UTP15: variants seen among roughly 807,000 people sequenced by gnomAD.
The protein encoded by UTP15 is UTP15 small subunit processome component, also known as U3 small nucleolar RNA-associated protein 15 homolog.
In UTP15, 5 loss-of-function variants were observed where a neutral mutation model predicts 59.1. That is an observed-to-expected ratio of 0.08 (90% confidence interval 0.04 to 0.18). The LOEUF (loss-of-function observed/expected upper bound fraction) is 0.18. UTP15 is among the 10% of genes least tolerant of loss of function. The pLI is 1.00. For missense variants in UTP15, 494 were observed against 616.7 expected, an observed-to-expected ratio of 0.80 and a Z score of 2.11; for synonymous variants, 211 against 212.2, an observed-to-expected ratio of 0.99 and a Z score of 0.05.
chr5:73,578,727 C>G, intron 9 of UTP15, 24 bp from the exon 10 acceptor site: 1 of 1,600,118 alleles, frequency 6.2e-7, no homozygotes, highest in Non-Finnish European at 8.6e-7. Context: ...TTTTCCTTCT[C>G]TATAAATGTA....
intron 1 of UTP15, among the ~76,000 whole-genome samples, chr5:73,566,393 C>T (rs957180219): frequency 6.6e-6 from 1 of 152,190 alleles, no homozygotes; most frequent in Admixed American, 6.5e-5. Flanking sequence ...CCATTATAGC[C>T]CCAGTGCCTA....
rs1441945352 is a variant in UTP15, at chr5:73,581,564, T to G, written c.*1470T>G. 1 of 152,134 alleles carries G rather than the reference T, an allele frequency of 6.6e-6. No individual in the cohort carries two copies. The highest frequency in any genetic ancestry group is 1.5e-5 in the Non-Finnish European group (1 of 68,024). 9.4% of individuals were successfully genotyped at this position (152,134 alleles called of 1,614,324 possible). A position where few individuals can be genotyped will look rare whatever the true frequency, so the allele number is the denominator to read the frequency against. On this transcript the variant is annotated 3_prime_UTR_variant, in exon 13 of 13. Coordinates refer to ENST00000296792, the MANE Select transcript of UTP15 (RefSeq NM_032175.4). ...TAGAAGAACCCATAGAGGAAGATTT[T>G]GTAATGCGAATCTCCTCTCATAATT...
At chr5:73,575,424 A>G in intron 7 of UTP15, among the ~76,000 whole-genome samples, 1 of 152,248 alleles carries the variant, frequency 6.6e-6, no homozygotes, top group East Asian at 1.9e-4. Flanking sequence ...GATAGAGGCC[A>G]GGAAGGCTGC....
intron 7 of UTP15, among the ~76,000 whole-genome samples, chr5:73,572,876 C>T (rs1377269467): frequency 6.6e-6 from 1 of 152,148 alleles, no homozygotes; most frequent in East Asian, 1.9e-4. Context: ...CGGCTCGCTG[C>T]AACCTCCGCC....
At position 73,565,838 on chromosome 5, in the gene UTP15, G is replaced by A. The variant is rs1025763203; in HGVS notation, c.-158G>A. 4.2e-5 allele frequency: 19 copies of A among 456,222 alleles called. No homozygotes were observed. The highest frequency in any genetic ancestry group is 6.6e-5 in the Non-Finnish European group (15 of 226,976). The allele number at this position is 456,222 out of a possible 1,614,324, so 28.3% of individuals were successfully genotyped here. A position where few individuals can be genotyped will look rare whatever the true frequency, so the allele number is the denominator to read the frequency against. On this transcript the variant is annotated 5_prime_UTR_variant, in exon 1 of 13. Coordinates refer to ENST00000296792, the MANE Select transcript of UTP15 (RefSeq NM_032175.4). ...CGCCAGTGCTGCTGAACTGTGCAGGGTAGGGAGCTGGCACAGTCCGATTAA... is the reference window on the plus strand; with the variant it reads ...CGCCAGTGCTGCTGAACTGTGCAGGATAGGGAGCTGGCACAGTCCGATTAA...
Position 73,582,857 on chromosome 5 carries a change from C to G in UTP15, c.*2763C>G, listed in dbSNP as rs1748364802. ...AGTTGAAAGGTATTTTAAAATGTTA[C>G]TAAGTCTGCAAAAGTACTGAAATGT... On this transcript the variant is annotated 3_prime_UTR_variant, in exon 13 of 13. Coordinates refer to ENST00000296792, the MANE Select transcript of UTP15 (RefSeq NM_032175.4). The G allele has an allele frequency of 6.6e-6, 1 of 152,124 alleles. No homozygotes were observed. The highest frequency in any genetic ancestry group is 2.4e-5 in the African/African-American group (1 of 41,404). The allele number at this position is 152,124 out of a possible 1,614,324, so 9.4% of individuals were successfully genotyped here.
intron 9 of UTP15, chr5:73,578,345 A>C: frequency 3.4e-6 from 1 of 294,586 alleles, no homozygotes; most frequent in Non-Finnish European, 6.3e-6. Flanking sequence ...GCGACAAATA[A>C]TTTGTGATTG....
chr5:73,572,963 A>G (rs965064355), intron 7 of UTP15, among the ~76,000 whole-genome samples: 2 of 151,926 alleles, frequency 1.3e-5, no homozygotes, highest in Non-Finnish European at 2.9e-5. Context: ...ATGCCCGGCT[A>G]AGTTTTTTAT....
intron 7 of UTP15, among the ~76,000 whole-genome samples, chr5:73,575,391 C>G (rs1748059863): frequency 6.6e-6 from 1 of 152,148 alleles, no homozygotes; most frequent in Non-Finnish European, 1.5e-5. Context: ...TTTATCACAA[C>G]TCATGGTACT....
At chr5:73,576,428 C>T (rs1424334442) in intron 7 of UTP15, among the ~76,000 whole-genome samples, 1 of 150,334 alleles carries the variant, frequency 6.7e-6, no homozygotes, top group African/African-American at 2.4e-5. Context: ...TTATAAGTGG[C>T]TAGTCAAAGT....
chr5:73,572,182 T>G (rs1291881541), intron 6 of UTP15, among the ~76,000 whole-genome samples: 1 of 152,240 alleles, frequency 6.6e-6, no homozygotes, highest in African/African-American at 2.4e-5. Flanking sequence ...ATATAGAATT[T>G]CTTTTAAAAA....
intron 7 of UTP15, among the ~76,000 whole-genome samples, chr5:73,575,849 G>A (rs1021420373): frequency 8.6e-5 from 13 of 151,302 alleles, no homozygotes; most frequent in African/African-American, 3.2e-4. Context: ...CAGCTCCCAA[G>A]TAGCCGAGAT....
intron 7 of UTP15, among the ~76,000 whole-genome samples, chr5:73,575,729 T>C (rs1385321587): frequency 6.6e-6 from 1 of 150,694 alleles, no homozygotes; most frequent in Non-Finnish European, 1.5e-5. Flanking sequence ...ATTTTTTCTT[T>C]TTTTTTTTTT....
intron 8 of UTP15, 92 bp downstream of exon 8, chr5:73,577,128 G>A (rs946835399): frequency 8.2e-6 from 8 of 975,022 alleles, no homozygotes; most frequent in Non-Finnish European, 1.2e-5. Flanking sequence ...TTAGATTTGA[G>A]TAACTTTTCT....
rs1450951556 is a variant in UTP15, at chr5:73,568,466, C to G, written c.230C>G (p.Ser77Cys). 6.2e-7 allele frequency: 1 copy of G among 1,613,356 alleles called. No individual in the cohort carries two copies. Among genetic ancestry groups the G allele is most frequent in the Admixed American group, 1.7e-5 (1 of 59,790 alleles). The change falls in exon 4 of 13, where the codon TCT becomes TGT. Residue 77 changes from serine (S) to cysteine (C), a missense_variant. By Grantham distance (112) the Ser-to-Cys change is moderately radical. Coordinates refer to ENST00000296792, the MANE Select transcript of UTP15 (RefSeq NM_032175.4). The part of the protein sequence containing the change: ...RYSQEPIKTF[S>C]RFKDTAYCAT... ...TCCCAAGAACCTATAAAAACCTTTT[C>G]TCGATTTAAAGACACAGCATACTGT...
intron 5 of UTP15, among the ~76,000 whole-genome samples, chr5:73,570,040 C>T (rs1359456767): frequency 6.6e-6 from 1 of 152,128 alleles, no homozygotes; most frequent in African/African-American, 2.4e-5. Context: ...CCATGTTGCC[C>T]AGGCTGGTCT....
chr5:73,567,465 A>T, intron 2 of UTP15, 31 bp downstream of exon 2: 1 of 1,502,128 alleles, frequency 6.7e-7, no homozygotes, highest in Non-Finnish European at 9.1e-7. Flanking sequence ...GGGAGAAGGG[A>T]TTTGTGTTTA....
At position 73,580,045 on chromosome 5, in the gene UTP15, T is replaced by A. The variant is rs1748250474; in HGVS notation, c.1508T>A (p.Leu503Ter). ...TMRRKEGTSV[L>*]EHTSDGFPEN... is the part of the protein sequence containing the mutation. ...AGAAGGAAGGAAGGCACTTCTGTGT[T>A]GGAACACACATCTGATGGATTTCCA... The change falls in exon 13 of 13, where the codon TTG becomes TAG. Residue 503 changes from leucine to a stop codon, truncating the protein, a stop_gained. Transcript: ENST00000296792. LOFTEE classifies it high-confidence loss of function. The A allele has an allele frequency of 6.2e-7, 1 of 1,613,772 alleles. No homozygotes were observed. The highest frequency in any genetic ancestry group is 1.7e-5 in the Admixed American group (1 of 60,002).
chr5:73,568,701 G>A, intron 4 of UTP15, 97 bp downstream of exon 4: 2 of 1,221,292 alleles, frequency 1.6e-6, no homozygotes, highest in Non-Finnish European at 2.3e-6. Context: ...TCAGTTTTAT[G>A]GAGATTATTT....
Sources: gnomAD v4.1 joint callset for allele counts (sites outside exome capture counted in the v4.1 genomes callset) on GRCh38, gnomAD v4.1.1 for gene constraint, MANE v1.5 for transcripts, NCBI Gene and HGNC (gene_info 2026-07-23, HGNC 2026-07-21) for gene names.